Variants in SLC2A13 observed in about 807,000 individuals in gnomAD.
The protein encoded by SLC2A13 is proton myo-inositol cotransporter.
Under a neutral mutation model 64.4 loss-of-function variants are expected in SLC2A13, and 32 were observed. The observed-to-expected ratio is 0.50, with a 90% CI of 0.37 to 0.67. The LOEUF is 0.67. Ranked by LOEUF, SLC2A13 falls within the 30% of genes least tolerant of loss-of-function variation. The probability of loss-of-function intolerance (pLI) is 0.00; values close to 1 mark genes in which losing one functional copy is unlikely to be tolerated. For missense variants in SLC2A13, 743 were observed against 829.2 expected (o/e 0.90, Z 1.28); for synonymous variants, 338 against 327.1 (o/e 1.03, Z -0.36).
chr12:40,084,403 A>C (rs542298412), intron 1 of SLC2A13, among the ~76,000 whole-genome samples: 1 of 152,356 alleles, frequency 6.6e-6, no homozygotes, highest in African/African-American at 2.4e-5. Flanking sequence ...CACTCTTTCA[A>C]AGACTGCACT....
intron 4 of SLC2A13, among the ~76,000 whole-genome samples, chr12:39,900,940 A>C (rs1320609324): frequency 6.6e-6 from 1 of 152,182 alleles, no homozygotes; most frequent in Admixed American, 6.5e-5. Flanking sequence ...TTCAAACTAT[A>C]CCACAAGGCA....
intron 6 of SLC2A13, among the ~76,000 whole-genome samples, chr12:39,845,085 G>A (rs1446362109): frequency 6.6e-6 from 1 of 151,856 alleles, no homozygotes; most frequent in Non-Finnish European, 1.5e-5. Context: ...ACTTTTTACT[G>A]TTTGGGGTAT....
intron 7 of SLC2A13, among the ~76,000 whole-genome samples, chr12:39,808,170 C>G (rs1462372287): frequency 6.6e-6 from 1 of 152,082 alleles, no homozygotes; most frequent in Non-Finnish European, 1.5e-5. Flanking sequence ...ATTGGGTTTG[C>G]TCTTCTAGAA....
At chr12:39,914,683 T>C (rs775618591) in intron 4 of SLC2A13, among the ~76,000 whole-genome samples, 1 of 151,926 alleles carries the variant, frequency 6.6e-6, no homozygotes, top group Non-Finnish European at 1.5e-5. Flanking sequence ...TACATACTCA[T>C]GATATGATAC....
chr12:40,083,793 T>C (rs1408287801), intron 1 of SLC2A13, among the ~76,000 whole-genome samples: 2 of 152,198 alleles, frequency 1.3e-5, no homozygotes, highest in Non-Finnish European at 2.9e-5. Flanking sequence ...ATACAAACAG[T>C]AAATTCACTG....
chr12:39,807,780 C>G (rs1159585676), intron 7 of SLC2A13, among the ~76,000 whole-genome samples: 1 of 152,054 alleles, frequency 6.6e-6, no homozygotes, highest in Non-Finnish European at 1.5e-5. Context: ...GTCTTCTCCC[C>G]CTAGGTGAGT....
rs78789847 is a variant in SLC2A13 at position 40,104,869 on chromosome 12, G to A, written c.556+384C>T. On this transcript the variant is annotated intron_variant, in intron 1 of 9. Coordinates refer to ENST00000280871, the MANE Select transcript of SLC2A13 (RefSeq NM_052885.4). Reference sequence around the variant, plus strand: ...AGCAGTGGAGAGGCAAGGTGGGACAGTGCAGGAAAGCAGAGACCCTCGTAA... The same window carrying A: ...AGCAGTGGAGAGGCAAGGTGGGACAATGCAGGAAAGCAGAGACCCTCGTAA... 3.7e-3 allele frequency among the ~76,000 whole-genome samples: 567 copies of A among 152,348 alleles called. 3 individuals are homozygous for A. Among genetic ancestry groups the A allele is most frequent in the African/African-American group, 0.013 (547 of 41,568 alleles).
intron 1 of SLC2A13, among the ~76,000 whole-genome samples, chr12:40,089,188 C>T (rs775151509): frequency 1.3e-5 from 2 of 152,000 alleles, no homozygotes; most frequent in Non-Finnish European, 2.9e-5. Flanking sequence ...TGGTCATCTC[C>T]GTACTTTATA....
chr12:39,871,176 A>T (rs1944042261), intron 5 of SLC2A13, among the ~76,000 whole-genome samples: 1 of 152,200 alleles, frequency 6.6e-6, no homozygotes, highest in Non-Finnish European at 1.5e-5. Context: ...TGTACAGTGA[A>T]ATAATAAATA....
At chr12:39,926,894 C>T (rs1245025523) in intron 4 of SLC2A13, among the ~76,000 whole-genome samples, 2 of 152,120 alleles carry the variant, frequency 1.3e-5, no homozygotes, top group Non-Finnish European at 1.5e-5. Flanking sequence ...GGAAAACGGA[C>T]GTGAGCCACC....
intron 3 of SLC2A13, among the ~76,000 whole-genome samples, chr12:39,969,173 C>T (rs1256258761): frequency 6.6e-6 from 1 of 152,108 alleles, no homozygotes; most frequent in Non-Finnish European, 1.5e-5. Context: ...TGTATATGTG[C>T]CACATTTTCT....
At chr12:39,968,132 G>A (rs547073298) in intron 3 of SLC2A13, among the ~76,000 whole-genome samples, 1 of 152,288 alleles carries the variant, frequency 6.6e-6, no homozygotes, top group African/African-American at 2.4e-5. Flanking sequence ...AGGTTTAATG[G>A]ATTCACCATT....
At chr12:39,805,393 G>T (rs1200578614) in intron 7 of SLC2A13, among the ~76,000 whole-genome samples, 1 of 152,098 alleles carries the variant, frequency 6.6e-6, no homozygotes, top group African/African-American at 2.4e-5. Context: ...GCAGGTGTAA[G>T]AGGTAGAAGT....
At chr12:39,799,914 C>T (rs1183266158) in intron 7 of SLC2A13, among the ~76,000 whole-genome samples, 1 of 152,180 alleles carries the variant, frequency 6.6e-6, no homozygotes, top group Non-Finnish European at 1.5e-5. Flanking sequence ...AATAATGTGT[C>T]ACCTGTCAGA....
At chr12:39,998,076 T>A (rs1947262318) in intron 3 of SLC2A13, among the ~76,000 whole-genome samples, 1 of 152,132 alleles carries the variant, frequency 6.6e-6, no homozygotes, top group Non-Finnish European at 1.5e-5. Context: ...CACACGCACA[T>A]TTACAGCAGC....
chr12:39,796,395 C>A (rs1357941656), intron 7 of SLC2A13, among the ~76,000 whole-genome samples: 1 of 144,100 alleles, frequency 6.9e-6, no homozygotes, highest in East Asian at 2.0e-4. Flanking sequence ...TTTGAGATCA[C>A]CCTGGCCAAC....
At chr12:40,041,779 A>G (rs972400355) in intron 2 of SLC2A13, among the ~76,000 whole-genome samples, 1 of 152,250 alleles carries the variant, frequency 6.6e-6, no homozygotes, top group Non-Finnish European at 1.5e-5. Flanking sequence ...CGAGAGCCCC[A>G]GTTAGTTCTG....
intron 6 of SLC2A13, among the ~76,000 whole-genome samples, chr12:39,842,670 C>T (rs1943206712): frequency 6.6e-6 from 1 of 151,982 alleles, no homozygotes; most frequent in Admixed American, 6.6e-5. Context: ...AATGTTAAAG[C>T]TTGCAGTTTA....
intron 7 of SLC2A13, among the ~76,000 whole-genome samples, chr12:39,811,176 A>G (rs1942145753): frequency 6.6e-6 from 1 of 152,076 alleles, no homozygotes; most frequent in South Asian, 2.1e-4. Context: ...TTTAATTATA[A>G]TAATAGAAAG....
Sources: allele counts gnomAD v4.1 joint callset (sites outside exome capture counted in the v4.1 genomes callset), GRCh38; gene constraint gnomAD v4.1.1; transcripts MANE v1.5; gene names NCBI Gene and HGNC (gene_info 2026-07-23, HGNC 2026-07-21).